Variants in CUX1 observed in about 807,000 individuals in gnomAD.
CUX1 encodes the protein protein CASP.
A neutral mutation model predicts 158.8 loss-of-function variants in CUX1; 31 were observed. The observed-to-expected ratio is 0.20, with a 90% confidence interval of 0.15 to 0.26. The LOEUF (loss-of-function observed/expected upper bound fraction) is 0.26. CUX1 is among the 10% of genes least tolerant of loss of function. CUX1 has a pLI of 1.00. For missense variants in CUX1, 1,589 were observed against 2,014.6 expected (o/e 0.79, Z 4.04); for synonymous variants, 879 against 862.1 (o/e 1.02, Z -0.34).
At chr7:102,012,935 C>G (rs140227655) in intron 2 of CUX1, among the ~76,000 whole-genome samples, 1 of 152,240 alleles carries the variant, frequency 6.6e-6, no homozygotes, top group African/African-American at 2.4e-5. Flanking sequence ...GGTTTTTCAG[C>G]TGATTCCCAA....
Position 102,239,390 on chromosome 7 carries a change from G to C in CUX1, c.3693G>C (p.Glu1231Asp), listed in dbSNP as rs782332324. 4.3e-6 allele frequency: 7 copies of C among 1,613,286 alleles called. No homozygotes were observed. The highest frequency in any genetic ancestry group is 3.3e-5 in the Admixed American group (2 of 60,002). Reference protein sequence around the residue: ...QPCEPPSVGTEYSQGASPQPQ... With the variant: ...QPCEPPSVGTDYSQGASPQPQ... Reference sequence around the variant, plus strand: ...GCGAACCGCCCTCTGTCGGCACCGAGTACAGCCAGGGCGCCAGCCCCCAGC... The same window carrying C: ...GCGAACCGCCCTCTGTCGGCACCGACTACAGCCAGGGCGCCAGCCCCCAGC... Residue 1231 changes from glutamate (E) to aspartate (D), a missense_variant, in exon 23 of 24, where the codon GAG (glutamate) becomes GAC (aspartate). Glu to Asp is a conservative substitution (Grantham distance 45). Coordinates refer to ENST00000292535, the MANE Select transcript of CUX1 (RefSeq NM_181552.4).
chr7:102,165,165 G>A (rs530979198), intron 9 of CUX1, among the ~76,000 whole-genome samples: 6 of 151,874 alleles, frequency 4.0e-5, no homozygotes, highest in East Asian at 1.9e-4. Context: ...CCACACCTTC[G>A]CCCCACCAGG....
At chr7:101,963,815 C>G (rs1441739518) in intron 2 of CUX1, among the ~76,000 whole-genome samples, 1 of 151,790 alleles carries the variant, frequency 6.6e-6, no homozygotes, top group Non-Finnish European at 1.5e-5. Context: ...CGACATCTGG[C>G]TAACTTTTTA....
At chr7:101,871,256 C>T (rs959866596) in intron 1 of CUX1, among the ~76,000 whole-genome samples, 1 of 151,848 alleles carries the variant, frequency 6.6e-6, no homozygotes, top group Admixed American at 6.6e-5. Context: ...TGAATTTGGT[C>T]CTGTAGTGAG....
chr7:102,216,619 CCACACACACACCCCCA>C (rs1363386750), intron 20 of CUX1, among the ~76,000 whole-genome samples: 3 of 73,932 alleles, frequency 4.1e-5, no homozygotes, highest in African/African-American at 5.4e-5. Flanking sequence ...CACACACTCC[CCACACACACACCCCCA>C]CACACGCACA....
At chr7:101,845,318 C>T (rs1795577492) in intron 1 of CUX1, among the ~76,000 whole-genome samples, 1 of 152,186 alleles carries the variant, frequency 6.6e-6, no homozygotes. Flanking sequence ...TAGCCTCATT[C>T]TCAAACATGA....
chr7:102,051,698 G>C (rs17495148), intron 3 of CUX1, among the ~76,000 whole-genome samples: 21,821 of 151,374 alleles, frequency 0.14, 1,649 homozygotes, highest in Middle Eastern at 0.22. Flanking sequence ...ATAGGTGCTT[G>C]TAAATGCATA....
At position 102,249,988 on chromosome 7, in the gene CUX1, TG is replaced by T. The variant is rs1801318693; in HGVS notation, c.*949del. 1.0e-6 allele frequency: 1 copy of T among 984,050 alleles called. No individual in the cohort carries two copies. The highest frequency in any genetic ancestry group is 1.8e-5 in the African/African-American group (1 of 56,574). The allele number at this position is 984,050 out of a possible 1,614,324, so 61.0% of individuals were successfully genotyped here. The stretch of plus-strand genomic sequence containing the variant: ...ATTGATGTATAGCTTTAACTGACCC[TG>T]GGTTTTGCAGACCAGGGTTTGTTTA... On this transcript the variant is annotated 3_prime_UTR_variant, in exon 24 of 24. Transcript: ENST00000292535.
At chr7:101,909,995 C>G (rs1803236587) in intron 1 of CUX1, among the ~76,000 whole-genome samples, 1 of 152,186 alleles carries the variant, frequency 6.6e-6, no homozygotes, top group Non-Finnish European at 1.5e-5. Flanking sequence ...TCTCAGCTCA[C>G]TGCAACCTCC....
At chr7:101,932,309 C>T (rs1806378678) in intron 2 of CUX1, 1 of 211,820 alleles carries the variant, frequency 4.7e-6, no homozygotes, top group Non-Finnish European at 9.8e-6. Flanking sequence ...CGGCGTCAGC[C>T]TATTTCCCTG....
intron 2 of CUX1, among the ~76,000 whole-genome samples, chr7:101,969,359 C>CA (rs10711703): frequency 0.022 from 1,246 of 56,044 alleles, 24 homozygotes; most frequent in East Asian, 0.059. Context: ...CAAAAAACAG[C>CA]AAAAAAAAAA....
intron 3 of CUX1, among the ~76,000 whole-genome samples, chr7:102,029,734 C>T (rs564068638): frequency 2.0e-5 from 3 of 152,294 alleles, no homozygotes; most frequent in African/African-American, 7.2e-5. Context: ...CAGCAGGACA[C>T]CTGCATCCCA....
At chr7:102,091,973 C>A (rs183698335) in intron 4 of CUX1, among the ~76,000 whole-genome samples, 1 of 152,318 alleles carries the variant, frequency 6.6e-6, no homozygotes, top group East Asian at 1.9e-4. Context: ...CCAGGCTGGT[C>A]TCAAACTCCT....
At chr7:101,984,090 ATATATATATATATATATATAT>A (rs1181816696) in intron 2 of CUX1, among the ~76,000 whole-genome samples, 1 of 35,008 alleles carries the variant, frequency 2.9e-5, no homozygotes, top group Non-Finnish European at 5.0e-5. Context: ...AAAAAAAAAA[ATATATATATATATATATATAT>A]ATATATATAT....
chr7:101,856,929 G>A lies in CUX1; in HGVS notation c.30+39260G>A, dbSNP rs149567955. Among the ~76,000 whole-genome samples the A allele has an allele frequency of 2.5e-3, 385 of 152,162 alleles. 3 individuals are homozygous for A. Among genetic ancestry groups the A allele is most frequent in the African/African-American group, 8.7e-3 (361 of 41,488 alleles). On this transcript the variant is annotated intron_variant, in intron 1 of 23. Transcript: ENST00000292535. The stretch of plus-strand genomic sequence containing the variant: ...GGCCCCGGGTGTGAACCCTCCCTCC[G>A]CGGTCATGCAGCCACGCCTCTGCTC...
At chr7:102,078,447 G>A (rs970838926) in intron 4 of CUX1, among the ~76,000 whole-genome samples, 1 of 152,132 alleles carries the variant, frequency 6.6e-6, no homozygotes, top group Non-Finnish European at 1.5e-5. Flanking sequence ...TCTGTGCTTT[G>A]GTTGCAAAGT....
At chr7:102,274,230 C>T in intron 15 of CUX1, 1 of 1,612,544 alleles carries the variant, frequency 6.2e-7, no homozygotes, top group Non-Finnish European at 8.5e-7. Context: ...CTCATCGCTT[C>T]CTGTCACCTG....
chr7:102,024,483 C>T (rs1316933290), intron 2 of CUX1, among the ~76,000 whole-genome samples: 2 of 152,156 alleles, frequency 1.3e-5, no homozygotes, highest in East Asian at 1.9e-4. Context: ...TGCACCACCA[C>T]GCCCAGCTTA....
chr7:102,246,030 A>G (rs748494185), intron 23 of CUX1, among the ~76,000 whole-genome samples: 40 of 152,232 alleles, frequency 2.6e-4, no homozygotes, highest in Non-Finnish European at 4.7e-4. Flanking sequence ...TGCTATGGCT[A>G]TGAGGTTAAA....
Sources: allele counts gnomAD v4.1 joint callset (sites outside exome capture counted in the v4.1 genomes callset), GRCh38; gene constraint gnomAD v4.1.1; transcripts MANE v1.5; gene names NCBI Gene and HGNC (gene_info 2026-07-23, HGNC 2026-07-21).